LIMD1: variants seen among roughly 807,000 people sequenced by gnomAD.
LIMD1 encodes the protein LIM domain containing 1.
In LIMD1, 23 loss-of-function variants were observed where a neutral mutation model predicts 58.4. The ratio of observed to expected loss-of-function variants is 0.39; its 90% CI spans 0.28 to 0.56. The LOEUF is 0.56. Among genes scored for constraint, LIMD1 ranks in the 20% least tolerant of loss-of-function variants. The pLI, the probability that LIMD1 is intolerant of heterozygous loss-of-function variation, is 0.57. For synonymous variants in LIMD1, 334 were observed against 345.5 expected (o/e 0.97, Z 0.37); for missense variants, 838 against 855.5 (o/e 0.98, Z 0.25).
chr3:45,673,301 A>C (rs576649021), intron 5 of LIMD1, among the ~76,000 whole-genome samples, 153 bp from the exon 6 acceptor site: 2 of 152,330 alleles, frequency 1.3e-5, no homozygotes, highest in South Asian at 2.1e-4. Context: ...CATATTCCAC[A>C]AAGTGAGCCA....
At chr3:45,624,845 A>C (rs1338648604) in intron 1 of LIMD1, among the ~76,000 whole-genome samples, 1 of 151,102 alleles carries the variant, frequency 6.6e-6, no homozygotes, top group Non-Finnish European at 1.5e-5. Context: ...ATTGTCTTCT[A>C]GCCAACTGTC....
rs142785861 is a variant in LIMD1 at position 45,671,873 on chromosome 3, G to A, written c.1642-817G>A. On this transcript the variant is annotated intron_variant, in intron 4 of 7. Transcript: ENST00000273317. ...CTAAAAAGAGGCTTGGAGGTATGTG[G>A]TTCCATGATGAGTTAATTCAGTTAC... 3.0e-3 allele frequency among the ~76,000 whole-genome samples: 458 copies of A among 152,284 alleles called. 1 individual carries two copies. The highest frequency in any genetic ancestry group is 9.8e-3 in the African/African-American group (407 of 41,556).
At chr3:45,662,276 AGT>A (rs139596165) in intron 2 of LIMD1, among the ~76,000 whole-genome samples, 5,321 of 111,430 alleles carry the variant, frequency 0.048, 295 homozygotes, top group African/African-American at 0.13. Flanking sequence ...GTTTCACCTA[AGT>A]GTGTGTGTGT....
chr3:45,667,395 C>G (rs938938752), intron 3 of LIMD1, among the ~76,000 whole-genome samples: 11 of 152,228 alleles, frequency 7.2e-5, no homozygotes, highest in Non-Finnish European at 1.6e-4. Flanking sequence ...GCTATTACCC[C>G]CAGAATGGGG....
At chr3:45,661,459 T>C (rs1165922609) in intron 2 of LIMD1, among the ~76,000 whole-genome samples, 1 of 152,210 alleles carries the variant, frequency 6.6e-6, no homozygotes, top group Admixed American at 6.5e-5. Flanking sequence ...TGTATATGGG[T>C]TATCATTTAA....
In LIMD1 at chr3:45,595,152, A is replaced by G; in HGVS notation, c.273A>G (p.Glu91=). ...GGRLGPQARW[E]VVGSKLTVDG... ...GCCTGGGCCCACAGGCCCGTTGGGA[A>G]GTTGTGGGCAGCAAGCTGACTGTGG... The change falls in exon 1 of 8, where the codon GAA becomes GAG. Residue 91 remains glutamate (E), a synonymous_variant. Transcript: ENST00000273317. 6.2e-7 allele frequency: 1 copy of G among 1,604,880 alleles called. No individual in the cohort carries two copies. Among genetic ancestry groups the G allele is most frequent in the South Asian group, 1.1e-5 (1 of 90,258 alleles).
At chr3:45,627,418 T>C (rs1392305500) in intron 1 of LIMD1, among the ~76,000 whole-genome samples, 1 of 152,240 alleles carries the variant, frequency 6.6e-6, no homozygotes, top group African/African-American at 2.4e-5. Flanking sequence ...AAAGTGATGA[T>C]GTTTTATAGA....
chr3:45,669,397 C>T (rs1327189469), intron 4 of LIMD1, among the ~76,000 whole-genome samples: 1 of 152,156 alleles, frequency 6.6e-6, no homozygotes, highest in Non-Finnish European at 1.5e-5. Context: ...AAGATAATTT[C>T]TAATTATTAG....
intron 2 of LIMD1, among the ~76,000 whole-genome samples, chr3:45,647,645 C>G (rs1319465516): frequency 6.6e-6 from 1 of 152,222 alleles, no homozygotes; most frequent in Non-Finnish European, 1.5e-5. Flanking sequence ...TGGATCACTG[C>G]TGTCACCTCC....
chr3:45,654,607 T>C (rs1399959352), intron 2 of LIMD1, among the ~76,000 whole-genome samples: 4 of 152,048 alleles, frequency 2.6e-5, no homozygotes, highest in Middle Eastern at 3.4e-3. Flanking sequence ...GGCAGGTGAA[T>C]AGCTTGAACC....
rs1697785669 is a variant in LIMD1 at position 45,684,543 on chromosome 3, A to G, written c.*7484A>G. On this transcript the variant is annotated 3_prime_UTR_variant, in exon 8 of 8. Transcript: ENST00000273317. ...GCAGAAAAAAGAGAACAGCTCCCCC[A>G]TGCAGAGGGAGGAGGACTCCGAATG... The G allele has an allele frequency of 6.6e-6, 1 of 152,244 alleles. No individual in the cohort carries two copies. Among genetic ancestry groups the G allele is most frequent in the Non-Finnish European group, 1.5e-5 (1 of 68,054 alleles). The allele number at this position is 152,244 out of a possible 1,614,324, so 9.4% of individuals were successfully genotyped here.
intron 2 of LIMD1, among the ~76,000 whole-genome samples, chr3:45,652,581 T>G (rs997533190): frequency 2.0e-5 from 3 of 152,218 alleles, no homozygotes; most frequent in African/African-American, 7.2e-5. Context: ...TTAGGAACAG[T>G]GATTCTTTCT....
intron 5 of LIMD1, 137 bp from the exon 6 acceptor site, chr3:45,673,317 C>T: frequency 1.4e-6 from 1 of 707,598 alleles, no homozygotes. Flanking sequence ...AGCCAGGTAC[C>T]AGTCATTCTA....
At chr3:45,619,180 T>C (rs1283697354) in intron 1 of LIMD1, among the ~76,000 whole-genome samples, 1 of 151,658 alleles carries the variant, frequency 6.6e-6, no homozygotes, top group Non-Finnish European at 1.5e-5. Context: ...TTATCTATTA[T>C]TTTTTTTTCT....
At chr3:45,650,688 A>G (rs1701959554) in intron 2 of LIMD1, among the ~76,000 whole-genome samples, 2 of 152,246 alleles carry the variant, frequency 1.3e-5, no homozygotes, top group Admixed American at 6.5e-5. Flanking sequence ...ATGGCTGCAT[A>G]GTATTCCGTG....
intron 2 of LIMD1, among the ~76,000 whole-genome samples, chr3:45,651,618 T>G (rs1481588077): frequency 6.6e-6 from 1 of 152,104 alleles, no homozygotes; most frequent in Non-Finnish European, 1.5e-5. Context: ...TTTGTCAAGT[T>G]TGTCAAAGAT....
chr3:45,622,925 C>T (rs1345860141), intron 1 of LIMD1, among the ~76,000 whole-genome samples: 3 of 152,170 alleles, frequency 2.0e-5, no homozygotes, highest in Non-Finnish European at 2.9e-5. Context: ...GCCTTGGCCT[C>T]CCAAAGTGCT....
chr3:45,594,995 C>T lies in LIMD1; in HGVS notation c.116C>T (p.Pro39Leu). The T allele has an allele frequency of 6.2e-7, 1 of 1,614,026 alleles. No homozygotes were observed. The part of the protein sequence containing the change: ...FRVDKGAGNN[P>L]EFEETRRVFA... ...GTGGACAAGGGTGCAGGCAACAACC[C>T]CGAGTTTGAGGAAACTCGCAGGGTG... Residue 39 changes from proline to leucine, a missense_variant, in exon 1 of 8, where the codon CCC becomes CTC. Coordinates refer to ENST00000273317, the MANE Select transcript of LIMD1 (RefSeq NM_014240.3).
In LIMD1 at chr3:45,677,686, G is replaced by T. The variant is rs998624970; in HGVS notation, c.*627G>T. The T allele has an allele frequency of 1.3e-5, 2 of 152,226 alleles. No individual in the cohort carries two copies. The highest frequency in any genetic ancestry group is 2.9e-5 in the Non-Finnish European group (2 of 68,116). 9.4% of individuals were successfully genotyped at this position (152,226 alleles called of 1,614,324 possible). On this transcript the variant is annotated 3_prime_UTR_variant, in exon 8 of 8. Coordinates refer to ENST00000273317, the MANE Select transcript of LIMD1 (RefSeq NM_014240.3). ...TCAAGATTTGAAATAGGTGAGGCAG[G>T]GTTTCCTCCTTAGACACTGACAGCA... is the stretch of plus-strand genomic sequence containing the variant.
Sources: allele counts gnomAD v4.1 joint callset (sites outside exome capture counted in the v4.1 genomes callset), GRCh38; gene constraint gnomAD v4.1.1; transcripts MANE v1.5; gene names NCBI Gene and HGNC (gene_info 2026-07-23, HGNC 2026-07-21).